The following EFHD1 variants were observed in gnomAD, a reference collection of about 807,000 sequenced individuals.
EFHD1 encodes the protein EF-hand domain family member D1.
EFHD1 carries 10 observed loss-of-function variants against 17.2 expected under a neutral mutation model. The observed-to-expected ratio is 0.58, with a 90% CI of 0.36 to 0.99. The LOEUF (loss-of-function observed/expected upper bound fraction) is 0.99, where lower values mean the gene tolerates loss of function less well. Among genes scored for constraint, EFHD1 ranks in the 50% least tolerant of loss-of-function variants. EFHD1 has a pLI of 0.01. For missense variants in EFHD1, 310 were observed against 327.5 expected (o/e 0.95, Z 0.41); for synonymous variants, 153 against 142.0 (o/e 1.08, Z -0.55).
At chr2:232,645,438 A>G (rs984299102) in intron 1 of EFHD1, among the ~76,000 whole-genome samples, 1 of 152,024 alleles carries the variant, frequency 6.6e-6, no homozygotes, top group African/African-American at 2.4e-5. Flanking sequence ...AGCACCCCTC[A>G]CTGAGCACCC....
chr2:232,646,330 G>A (rs1187749910), intron 1 of EFHD1, among the ~76,000 whole-genome samples: 1 of 151,642 alleles, frequency 6.6e-6, no homozygotes, highest in East Asian at 1.9e-4. Context: ...TGAGCTGAAT[G>A]GCCCCCACAG....
chr2:232,655,016 T>A (rs1251215511), intron 1 of EFHD1, among the ~76,000 whole-genome samples: 2 of 152,210 alleles, frequency 1.3e-5, no homozygotes, highest in East Asian at 1.9e-4. Context: ...CTCTCCTTCC[T>A]TTCTGCTCAC....
chr2:232,665,288 C>T (rs1409985429), intron 2 of EFHD1, among the ~76,000 whole-genome samples: 2 of 152,156 alleles, frequency 1.3e-5, no homozygotes, highest in Non-Finnish European at 1.5e-5. Context: ...ATTTTAGGGG[C>T]AATGTCTCAA....
At position 232,633,769 on chromosome 2, in the gene EFHD1, G is replaced by A; in HGVS notation, c.65G>A (p.Ser22Asn). 1.4e-6 allele frequency: 2 copies of A among 1,467,090 alleles called. No homozygotes were observed. Among genetic ancestry groups the A allele is most frequent in the Non-Finnish European group, 8.9e-7 (1 of 1,117,496 alleles). 90.9% of individuals were successfully genotyped at this position (1,467,090 alleles called of 1,614,324 possible). Residue 22 changes from serine (S) to asparagine (N), a missense_variant, in exon 1 of 4, where the codon AGT becomes AAT. Transcript: ENST00000264059. The part of the protein sequence containing the change: ...RRLRREEAEE[S>N]GPQLAPLGAP... ...CTGCGGCGCGAGGAGGCCGAGGAGAGTGGCCCCCAGCTGGCTCCCCTCGGC... is the reference window on the plus strand; with the variant it reads ...CTGCGGCGCGAGGAGGCCGAGGAGAATGGCCCCCAGCTGGCTCCCCTCGGC...
chr2:232,662,711 A>AT, intron 1 of EFHD1, 91 bp from the exon 2 acceptor site: 1 of 1,520,514 alleles, frequency 6.6e-7, no homozygotes, highest in Non-Finnish European at 8.8e-7. Context: ...TATTTGAGTC[A>AT]TTTTTCGATG....
intron 1 of EFHD1, among the ~76,000 whole-genome samples, chr2:232,618,913 G>A (rs574256865): frequency 2.6e-4 from 40 of 152,144 alleles, no homozygotes; most frequent in African/African-American, 9.2e-4. Context: ...GGAGGCCAAG[G>A]TGGGTGGATC....
intron 1 of EFHD1, among the ~76,000 whole-genome samples, chr2:232,657,970 G>A (rs558532019): frequency 2.3e-5 from 3 of 131,538 alleles, no homozygotes; most frequent in South Asian, 5.1e-4. Context: ...GTGCGATCTC[G>A]GCTCACTGCA....
upstream of EFHD1, among the ~76,000 whole-genome samples, chr2:232,632,221 A>C (rs899566499): frequency 7.9e-5 from 12 of 152,160 alleles, no homozygotes; most frequent in East Asian, 7.7e-4. Context: ...TCTCTGTACC[A>C]AGTCAAGTTG....
Position 232,652,748 on chromosome 2 carries a change from A to G in EFHD1, c.303-10054A>G, listed in dbSNP as rs992717720. Among the ~76,000 whole-genome samples the G allele has an allele frequency of 6.6e-5, 10 of 152,218 alleles. No individual in the cohort carries two copies. In the South Asian group the frequency reaches 2.1e-3, roughly 32 times the overall value. On this transcript the variant is annotated intron_variant, in intron 1 of 3. Coordinates refer to ENST00000264059, the MANE Select transcript of EFHD1 (RefSeq NM_025202.4). Reference sequence around the variant, plus strand: ...CCCTGCTGTGTGCAGTTCCCTAGGTAGACATCAGGCATTTTGAGAGAAGCA... The same window carrying G: ...CCCTGCTGTGTGCAGTTCCCTAGGTGGACATCAGGCATTTTGAGAGAAGCA...
intron 1 of EFHD1, among the ~76,000 whole-genome samples, chr2:232,619,373 C>T (rs1472190013): frequency 1.3e-5 from 2 of 148,786 alleles, no homozygotes; most frequent in East Asian, 2.0e-4. Context: ...TGTGATGGCG[C>T]GATCTCGGCT....
At chr2:232,606,253 A>T in intron 1 of EFHD1, 1 of 1,487,594 alleles carries the variant, frequency 6.7e-7, no homozygotes, top group Non-Finnish European at 9.2e-7. Context: ...ACTCTGGTCC[A>T]GAATAGGTGC....
At position 232,681,584 on chromosome 2, in the gene EFHD1, G is replaced by T. The variant is rs768068003; in HGVS notation, c.586-1G>T. 1.9e-6 allele frequency: 3 copies of T among 1,613,966 alleles called. No individual in the cohort carries two copies. The highest frequency in any genetic ancestry group is 2.5e-6 in the Non-Finnish European group (3 of 1,179,924). On this transcript the variant is annotated splice_acceptor_variant, in intron 3 of 3. Transcript: ENST00000264059. LOFTEE classifies it high-confidence loss of function. ...GGTCTATGTCTGCTATTTCTCTGCAGGTCCAAGCCTTGTCATCGGCCAGTA... is the reference window on the plus strand; with the variant it reads ...GGTCTATGTCTGCTATTTCTCTGCATGTCCAAGCCTTGTCATCGGCCAGTA...
intron 3 of EFHD1, among the ~76,000 whole-genome samples, chr2:232,677,612 A>G (rs560774559): frequency 6.6e-6 from 1 of 152,228 alleles, no homozygotes; most frequent in South Asian, 2.1e-4. Context: ...AGTCCCAGCT[A>G]CTCAGGAGGC....
At chr2:232,651,824 A>AAAAC (rs34755199) in intron 1 of EFHD1, among the ~76,000 whole-genome samples, 80,333 of 151,578 alleles carry the variant, frequency 0.53, 22,105 homozygotes, top group South Asian at 0.67. Flanking sequence ...TCCATCTCAA[A>AAAAC]AAACAAACAA....
chr2:232,620,554 T>TC (rs1407173936), intron 1 of EFHD1, among the ~76,000 whole-genome samples: 1 of 147,484 alleles, frequency 6.8e-6, no homozygotes, highest in Non-Finnish European at 1.5e-5. Context: ...CCTGTCTGAT[T>TC]TTTTTTTTGG....
chr2:232,626,407 G>A (rs1184450639), intron 1 of EFHD1, among the ~76,000 whole-genome samples: 1 of 151,846 alleles, frequency 6.6e-6, no homozygotes, highest in Non-Finnish European at 1.5e-5. Flanking sequence ...AATTAGCTGG[G>A]CGTGGTGGTG....
At chr2:232,663,772 C>T (rs2106211996) in intron 2 of EFHD1, among the ~76,000 whole-genome samples, 1 of 152,064 alleles carries the variant, frequency 6.6e-6, no homozygotes, top group African/African-American at 2.4e-5. Context: ...TTGAAACATT[C>T]TATTCCTTTT....
upstream of EFHD1, chr2:232,633,360 A>C: frequency 1.4e-6 from 1 of 703,016 alleles, no homozygotes; most frequent in African/African-American, 1.9e-5. Context: ...GCAAGGTCGG[A>C]GTTGATCCGA....
intron 2 of EFHD1, among the ~76,000 whole-genome samples, chr2:232,669,858 C>T (rs1053079819): frequency 2.0e-5 from 3 of 152,176 alleles, no homozygotes; most frequent in Admixed American, 6.5e-5. Flanking sequence ...CTTGGCCTCC[C>T]AAAGTGCTGG....
Sources: allele counts gnomAD v4.1 joint callset (sites outside exome capture counted in the v4.1 genomes callset), GRCh38; gene constraint gnomAD v4.1.1; transcripts MANE v1.5; gene names NCBI Gene and HGNC (gene_info 2026-07-23, HGNC 2026-07-21).